The following NOSTRIN variants were observed in gnomAD, a reference collection of about 807,000 sequenced individuals.
The protein encoded by NOSTRIN is nitric oxide synthase trafficking, also known as BM247 homolog.
In NOSTRIN, 63 loss-of-function variants were observed where a neutral mutation model predicts 59.0. The observed-to-expected ratio is 1.07, with a 90% CI of 0.87 to 1.32. The LOEUF (loss-of-function observed/expected upper bound fraction) is 1.32. Ranked by LOEUF, NOSTRIN falls within the 40% of genes most tolerant of loss-of-function variation. The probability of loss-of-function intolerance (pLI) is 0.00; values close to 1 mark genes in which losing one functional copy is unlikely to be tolerated. For synonymous variants in NOSTRIN, 200 were observed against 165.4 expected, an observed-to-expected ratio of 1.21 and a Z score of -1.61; for missense variants, 512 against 473.1, an observed-to-expected ratio of 1.08 and a Z score of -0.76.
In NOSTRIN at chr2:168,855,440, A is replaced by C. The variant is rs754964579; in HGVS notation, c.944A>C (p.Lys315Thr). Residue 315 changes from lysine to threonine, a missense_variant, in exon 11 of 16, where the codon AAA becomes ACA. Coordinates refer to ENST00000317647, the MANE Select transcript of NOSTRIN (RefSeq NM_001039724.4). ...TTGAGACTGCAGAGAGACATTGAAAAAGCCTCAAAAGACAAGGAAGGTGTG... is the reference window on the plus strand; with the variant it reads ...TTGAGACTGCAGAGAGACATTGAAACAGCCTCAAAAGACAAGGAAGGTGTG... ...KLLRLQRDIE[K>T]ASKDKEGLER... The C allele has an allele frequency of 2.5e-6, 4 of 1,606,516 alleles. No individual in the cohort carries two copies. The highest frequency in any genetic ancestry group is 3.3e-4 in the Middle Eastern group (2 of 6,038).
intron 1 of NOSTRIN, among the ~76,000 whole-genome samples, chr2:168,803,366 A>G (rs1040069840): frequency 2.0e-5 from 3 of 152,200 alleles, no homozygotes; most frequent in African/African-American, 7.2e-5. Context: ...AAATAAAGTA[A>G]TTAAGGAGGG....
At position 168,861,960 on chromosome 2, in the gene NOSTRIN, C is replaced by G. The variant is rs777228397; in HGVS notation, c.1295C>G (p.Ala432Gly). The G allele has an allele frequency of 2.5e-6, 4 of 1,613,954 alleles. No homozygotes were observed. The highest frequency in any genetic ancestry group is 3.4e-6 in the Non-Finnish European group (4 of 1,179,850). ...CTAATTACAGCTTTATCTATTTCAG[C>G]CCCTGGTGCAGCCCAGCTCAGCAGC... is the stretch of plus-strand genomic sequence containing the variant. ...GQSNPGSSTP[A>G]PGAAQLSSRL... is the part of the protein sequence containing the mutation. The change falls in exon 15 of 16, where the codon GCC becomes GGC. Residue 432 changes from alanine to glycine, a missense_variant and splice_region_variant. Physicochemically the swap from Ala to Gly is moderately conservative, Grantham distance 60. Coordinates refer to ENST00000317647, the MANE Select transcript of NOSTRIN (RefSeq NM_001039724.4).
At chr2:168,856,519 G>T in intron 11 of NOSTRIN, 171 bp from the exon 12 acceptor site, 3 of 592,712 alleles carry the variant, frequency 5.1e-6, no homozygotes, top group Non-Finnish European at 9.0e-6. Context: ...AGGTTGCAGT[G>T]AGCCGAGATC....
intron 7 of NOSTRIN, among the ~76,000 whole-genome samples, chr2:168,838,870 C>G (rs906723092): frequency 6.6e-5 from 10 of 151,090 alleles, no homozygotes; most frequent in Admixed American, 5.9e-4. Context: ...CGACTGCAAC[C>G]TCTGCCTCCC....
chr2:168,819,795 G>A (rs574945704), intron 2 of NOSTRIN, among the ~76,000 whole-genome samples: 54 of 152,278 alleles, frequency 3.5e-4, no homozygotes, highest in Non-Finnish European at 6.6e-4. Context: ...GGGTACAATC[G>A]TGCTGTTCAG....
intron 8 of NOSTRIN, 87 bp downstream of exon 8, chr2:168,843,204 G>A (rs1688204317): frequency 1.3e-6 from 1 of 757,808 alleles, no homozygotes; most frequent in South Asian, 1.7e-5. Flanking sequence ...GACAAGACCT[G>A]CCCTCTGTCT....
At chr2:168,863,004 TACTTTTCTTCC>T (rs988228664) in intron 15 of NOSTRIN, among the ~76,000 whole-genome samples, 1 of 118,882 alleles carries the variant, frequency 8.4e-6, no homozygotes, top group Non-Finnish European at 1.7e-5. Context: ...TCCAGGCAAT[TACTTTTCTTCC>T]TATGTGAATA....
chr2:168,790,668 A>C lies in NOSTRIN; in HGVS notation c.-473+2620A>C, dbSNP rs535799996. On this transcript the variant is annotated intron_variant, in intron 2 of 20. Transcript: ENST00000458381. ...AGCTAAGAACTGTTCCAGAGTGGAAACTAAAGAAACATAGTGACTGAATGC... is the reference window on the plus strand; with the variant it reads ...AGCTAAGAACTGTTCCAGAGTGGAACCTAAAGAAACATAGTGACTGAATGC... 9.2e-5 allele frequency among the ~76,000 whole-genome samples: 14 copies of C among 152,366 alleles called. No homozygotes were observed. The South Asian group carries it at 2.7e-3, about 29-fold the overall frequency.
Position 168,811,656 on chromosome 2 carries a change from CA to C in NOSTRIN, c.113+8del. ...TCACATCTGTTCTTCAGCAAAGGTA[CA>C]AAATGCACGTTTGCAATAAATGGTT... is the stretch of plus-strand genomic sequence containing the variant. On this transcript the variant is annotated splice_donor_5th_base_variant and intron_variant, in intron 2 of 15. Coordinates refer to ENST00000317647, the MANE Select transcript of NOSTRIN (RefSeq NM_001039724.4). The C allele has an allele frequency of 1.2e-6, 1 of 844,286 alleles. No homozygotes were observed. Among genetic ancestry groups the C allele is most frequent in the Admixed American group, 1.9e-5 (1 of 52,350 alleles). 52.3% of individuals were successfully genotyped at this position (844,286 alleles called of 1,614,324 possible).
chr2:168,830,227 C>CA (rs375465210), intron 5 of NOSTRIN, among the ~76,000 whole-genome samples: 2 of 152,294 alleles, frequency 1.3e-5, no homozygotes, highest in African/African-American at 4.8e-5. Context: ...ATAAATGAGG[C>CA]ACAGTGCTGT....
intron 5 of NOSTRIN, 82 bp downstream of exon 5, chr2:168,828,583 A>G: frequency 1.8e-6 from 1 of 561,782 alleles, no homozygotes; most frequent in Non-Finnish European, 3.1e-6. Context: ...GTGATCTGAA[A>G]GTGGTACCAA....
At chr2:168,812,347 A>C (rs1223183244) in intron 2 of NOSTRIN, among the ~76,000 whole-genome samples, 5 of 152,196 alleles carry the variant, frequency 3.3e-5, no homozygotes, top group African/African-American at 1.2e-4. Context: ...CAAATTTAAA[A>C]TAATGAATGT....
At chr2:168,803,224 T>C (rs2105516433) in intron 1 of NOSTRIN, among the ~76,000 whole-genome samples, 1 of 152,318 alleles carries the variant, frequency 6.6e-6, no homozygotes, top group South Asian at 2.1e-4. Context: ...TTGGTAATGT[T>C]TGGAGCACTA....
intron 2 of NOSTRIN, among the ~76,000 whole-genome samples, chr2:168,791,748 GT>G (rs11332007): frequency 0.68 from 103,784 of 151,980 alleles, 36,050 homozygotes; most frequent in East Asian, 0.97. Context: ...GCCAGTGACG[GT>G]TTTTTTCATG....
At chr2:168,820,070 G>A (rs368650307) in intron 2 of NOSTRIN, among the ~76,000 whole-genome samples, 4 of 152,118 alleles carry the variant, frequency 2.6e-5, no homozygotes, top group Non-Finnish European at 5.9e-5. Context: ...AGTGAGAGGC[G>A]GTATCAATTT....
intron 7 of NOSTRIN, among the ~76,000 whole-genome samples, chr2:168,834,779 A>G (rs921426058): frequency 1.4e-4 from 21 of 152,084 alleles, no homozygotes; most frequent in African/African-American, 4.8e-4. Flanking sequence ...CTCTATTAAT[A>G]TCTTAAAAAA....
At chr2:168,802,320 G>A (rs1685639924), upstream of NOSTRIN, 1 of 295,430 alleles carries the variant, frequency 3.4e-6, no homozygotes, top group Admixed American at 4.3e-5. Flanking sequence ...CAGACCAAGC[G>A]CAAGAATTGT....
At chr2:168,801,585 C>T (rs1160249194), upstream of NOSTRIN, among the ~76,000 whole-genome samples, 8 of 152,276 alleles carry the variant, frequency 5.3e-5, no homozygotes, top group African/African-American at 1.7e-4. Flanking sequence ...GCTGAGTCAG[C>T]CAGTCAGGTG....
At position 168,864,996 on chromosome 2, in the gene NOSTRIN, C is replaced by A; in HGVS notation, c.*26C>A. ...AACAAGACTCTGAACATACTACCTT[C>A]ACACTCGGTAATCAACAATACAGTG... On this transcript the variant is annotated 3_prime_UTR_variant, in exon 16 of 16. Coordinates refer to ENST00000317647, the MANE Select transcript of NOSTRIN (RefSeq NM_001039724.4). The A allele has an allele frequency of 6.2e-7, 1 of 1,612,000 alleles. No homozygotes were observed. Among genetic ancestry groups the A allele is most frequent in the South Asian group, 1.1e-5 (1 of 90,938 alleles).
Sources: allele counts gnomAD v4.1 joint callset (sites outside exome capture counted in the v4.1 genomes callset), GRCh38; gene constraint gnomAD v4.1.1; transcripts MANE v1.5; gene names NCBI Gene and HGNC (gene_info 2026-07-23, HGNC 2026-07-21).